Variants in PALLD observed in about 807,000 individuals in gnomAD.
PALLD encodes palladin, cytoskeletal associated protein.
PALLD carries 61 observed loss-of-function variants against 123.5 expected under a neutral mutation model. The observed-to-expected ratio is 0.49, with a 90% CI of 0.40 to 0.61. PALLD has a LOEUF of 0.61. Among genes scored for constraint, PALLD ranks in the 20% least tolerant of loss-of-function variants. The pLI, the probability that PALLD is intolerant of heterozygous loss-of-function variation, is 0.00. For missense variants in PALLD, 1,273 were observed against 1,377.0 expected (o/e 0.92, Z 1.20); for synonymous variants, 465 against 496.4 (o/e 0.94, Z 0.84).
At chr4:168,865,762 G>A (rs1402738653) in intron 10 of PALLD, among the ~76,000 whole-genome samples, 19 of 114,798 alleles carry the variant, frequency 1.7e-4, no homozygotes, top group Non-Finnish European at 7.0e-5. Context: ...GTACAATCTT[G>A]AAAGACTAAA....
intron 19 of PALLD, 58 bp from the exon 20 acceptor site, chr4:168,924,887 A>T: frequency 6.3e-7 from 1 of 1,578,258 alleles, no homozygotes; most frequent in Non-Finnish European, 8.7e-7. Context: ...ATGATGCTTC[A>T]TGTCCAAAGC....
intron 2 of PALLD, among the ~76,000 whole-genome samples, chr4:168,567,794 C>T (rs1172999230): frequency 6.6e-6 from 1 of 151,486 alleles, no homozygotes; most frequent in Admixed American, 6.6e-5. Flanking sequence ...ATGGAGACTC[C>T]AAAAGGTGGG....
intron 2 of PALLD, among the ~76,000 whole-genome samples, chr4:168,589,406 T>G (rs921263625): frequency 1.3e-5 from 2 of 152,132 alleles, no homozygotes; most frequent in East Asian, 3.9e-4. Context: ...TGAGTCAGAA[T>G]TCTGAGTCAT....
At chr4:168,778,539 G>C (rs1735483929) in intron 10 of PALLD, among the ~76,000 whole-genome samples, 1 of 152,178 alleles carries the variant, frequency 6.6e-6, no homozygotes, top group Non-Finnish European at 1.5e-5. Flanking sequence ...TTAGGGCAAA[G>C]CTGGCTTTGG....
At chr4:168,690,020 G>A (rs1365421853) in intron 6 of PALLD, among the ~76,000 whole-genome samples, 1 of 152,086 alleles carries the variant, frequency 6.6e-6, no homozygotes, top group Non-Finnish European at 1.5e-5. Flanking sequence ...GGAAATGAAG[G>A]TCAATAAGGA....
At chr4:168,896,500 C>T (rs1473985594) in intron 12 of PALLD, 49 bp from the exon 13 acceptor site, 1 of 1,066,210 alleles carries the variant, frequency 9.4e-7, no homozygotes, top group Admixed American at 2.0e-5. Flanking sequence ...TTGCTGCATT[C>T]TTATTATTTC....
chr4:168,844,267 T>C lies in PALLD; in HGVS notation c.1965-46655T>C, dbSNP rs2150942204. ...AAATAAAGACCACCCTTGACTGGGC[T>C]TTTTCTACCCAAGTCCAAGTGAACT... On this transcript the variant is annotated intron_variant, in intron 10 of 21. Coordinates refer to ENST00000505667, the MANE Select transcript of PALLD (RefSeq NM_001166108.2). The surrounding 1 kb of genome is among the most constrained non-coding windows in gnomAD (Gnocchi z 4.5). 6.6e-6 allele frequency: 1 copy of C among 152,332 alleles called. No homozygotes were observed. Among genetic ancestry groups the C allele is most frequent in the Middle Eastern group, 3.4e-3 (1 of 294 alleles). The allele number at this position is 152,332 out of a possible 1,614,324, so 9.4% of individuals were successfully genotyped here. A position where few individuals can be genotyped will look rare whatever the true frequency, so the allele number is the denominator to read the frequency against.
intron 10 of PALLD, among the ~76,000 whole-genome samples, chr4:168,713,311 C>G (rs1785018380): frequency 6.6e-6 from 1 of 152,200 alleles, no homozygotes; most frequent in South Asian, 2.1e-4. Context: ...GCTCTTGTAG[C>G]AGCAACCCAT....
At chr4:168,907,906 TA>T (rs897677901) in intron 15 of PALLD, among the ~76,000 whole-genome samples, 5 of 152,198 alleles carry the variant, frequency 3.3e-5, no homozygotes, top group African/African-American at 1.2e-4. Flanking sequence ...CACTACCTAT[TA>T]TAGTATTCCA....
chr4:168,638,513 G>GT (rs1259959305), intron 2 of PALLD, among the ~76,000 whole-genome samples: 1 of 152,204 alleles, frequency 6.6e-6, no homozygotes, highest in Non-Finnish European at 1.5e-5. Context: ...TTAATCCATA[G>GT]TTTAGTCCAT....
At chr4:168,761,641 G>GTTTTTTTTTTTTTTTTTTTTT (rs1230404942) in intron 10 of PALLD, among the ~76,000 whole-genome samples, 3 of 11,638 alleles carry the variant, frequency 2.6e-4, no homozygotes, top group East Asian at 4.5e-3. Context: ...TGTTGTTGTT[G>GTTTTTTTTTTTTTTTTTTTTT]TTTGTTTTTT....
At chr4:168,827,267 C>G (rs1743544295) in intron 10 of PALLD, among the ~76,000 whole-genome samples, 1 of 152,166 alleles carries the variant, frequency 6.6e-6, no homozygotes, top group South Asian at 2.1e-4. Flanking sequence ...GAGTTGTCCT[C>G]GGAGGGGTGC....
At position 168,688,924 on chromosome 4, in the gene PALLD, C is replaced by T. The variant is rs79530299; in HGVS notation, c.1336-1679C>T. Among the ~76,000 whole-genome samples, 28 of 152,244 alleles carry T rather than the reference C, an allele frequency of 1.8e-4. 1 individual carries two copies. In the East Asian group the frequency reaches 3.9e-3, roughly 21 times the overall value. On this transcript the variant is annotated intron_variant, in intron 6 of 21. Coordinates refer to ENST00000505667, the MANE Select transcript of PALLD (RefSeq NM_001166108.2). ...CCTAGAGACATTTAATAGGTTAATC[C>T]GTAGAAGCTGGACCCCATAAGTGAC...
At chr4:168,533,684 C>T (rs1379607527) in intron 2 of PALLD, among the ~76,000 whole-genome samples, 3 of 152,048 alleles carry the variant, frequency 2.0e-5, no homozygotes, top group African/African-American at 7.2e-5. Flanking sequence ...GAGATGTTGA[C>T]TGGAGAGATA....
At chr4:168,910,598 T>C (rs1758727502) in intron 15 of PALLD, among the ~76,000 whole-genome samples, 1 of 152,242 alleles carries the variant, frequency 6.6e-6, no homozygotes, top group African/African-American at 2.4e-5. Context: ...ATTGGCTTCA[T>C]GCAAAACACA....
intron 10 of PALLD, among the ~76,000 whole-genome samples, chr4:168,839,695 T>C (rs1745757759): frequency 6.6e-6 from 1 of 151,948 alleles, no homozygotes; most frequent in Non-Finnish European, 1.5e-5. Context: ...AGGACAAGAG[T>C]TTAGTTTTGA....
chr4:168,602,692 A>G (rs1772788949), intron 2 of PALLD, among the ~76,000 whole-genome samples: 1 of 152,222 alleles, frequency 6.6e-6, no homozygotes, highest in Non-Finnish European at 1.5e-5. Flanking sequence ...AAAGTAAGGG[A>G]CTGTTAGTAT....
intron 10 of PALLD, among the ~76,000 whole-genome samples, chr4:168,811,774 T>TCACACACACACACACACA (rs879411684): frequency 2.7e-5 from 3 of 109,386 alleles, no homozygotes; most frequent in Admixed American, 9.2e-5. Context: ...TCTCTCTCTC[T>TCACACACACACACACACA]CTCACACACA....
chr4:168,539,388 G>C (rs1271787921), intron 2 of PALLD, among the ~76,000 whole-genome samples: 2 of 152,006 alleles, frequency 1.3e-5, no homozygotes, highest in African/African-American at 4.8e-5. Context: ...AAGAGTTCGA[G>C]ACCAGCCTGG....
Sources: allele counts gnomAD v4.1 joint callset (sites outside exome capture counted in the v4.1 genomes callset), GRCh38; gene constraint gnomAD v4.1.1; non-coding constraint Gnocchi (gnomAD v3.1); transcripts MANE v1.5; gene names NCBI Gene and HGNC (gene_info 2026-07-23, HGNC 2026-07-21).